The following FUT9 variants were observed in gnomAD, a reference collection of about 807,000 sequenced individuals.
FUT9 encodes the protein fucosyltransferase 9.
FUT9 carries 15 observed loss-of-function variants against 29.7 expected under a neutral mutation model. The ratio of observed to expected loss-of-function variants is 0.51; its 90% CI spans 0.34 to 0.78. FUT9 has a LOEUF of 0.78. Among genes scored for constraint, FUT9 ranks in the 30% least tolerant of loss-of-function variants. The probability of loss-of-function intolerance (pLI) is 0.01; values close to 1 mark genes in which losing one functional copy is unlikely to be tolerated. For synonymous variants in FUT9, 169 were observed against 153.7 expected (o/e 1.10, Z -0.74); for missense variants, 319 against 425.4 (o/e 0.75, Z 2.20).
intron 1 of FUT9, among the ~76,000 whole-genome samples, chr6:96,018,151 AT>A (rs1770012415): frequency 6.6e-6 from 1 of 151,552 alleles, no homozygotes; most frequent in African/African-American, 2.4e-5. Context: ...AGTTGGTTAT[AT>A]TTAGGGCTTG....
intron 2 of FUT9, among the ~76,000 whole-genome samples, chr6:96,176,810 G>T (rs1582287025): frequency 6.6e-6 from 1 of 152,256 alleles, no homozygotes; most frequent in East Asian, 1.9e-4. Context: ...ACTATGTGGA[G>T]CTGCCTGGCT....
At chr6:96,112,586 C>A (rs892743406) in intron 1 of FUT9, among the ~76,000 whole-genome samples, 3 of 152,154 alleles carry the variant, frequency 2.0e-5, no homozygotes, top group Middle Eastern at 3.4e-3. Flanking sequence ...GTTTTAAAAT[C>A]TACTGCTTTA....
intron 1 of FUT9, among the ~76,000 whole-genome samples, chr6:96,081,719 C>T (rs1771241373): frequency 6.6e-6 from 1 of 151,764 alleles, no homozygotes; most frequent in Admixed American, 6.6e-5. Flanking sequence ...TTGAGATTTC[C>T]ACATGTTCAA....
intron 2 of FUT9, among the ~76,000 whole-genome samples, chr6:96,158,362 C>T (rs988324722): frequency 2.6e-5 from 4 of 151,972 alleles, no homozygotes; most frequent in Non-Finnish European, 5.9e-5. Flanking sequence ...GTTAAATTTT[C>T]TATAATATAT....
chr6:96,017,189 C>T (rs1769995765), intron 1 of FUT9, among the ~76,000 whole-genome samples: 1 of 152,150 alleles, frequency 6.6e-6, no homozygotes, highest in East Asian at 1.9e-4. Flanking sequence ...TTAAAATCTT[C>T]TTTGAAATTG....
chr6:96,117,635 G>A (rs1771936102), intron 2 of FUT9, among the ~76,000 whole-genome samples: 1 of 152,208 alleles, frequency 6.6e-6, no homozygotes, highest in Non-Finnish European at 1.5e-5. Flanking sequence ...GAGAATTTAA[G>A]TGACTTGCCT....
chr6:96,020,363 G>A (rs992184835), intron 1 of FUT9, among the ~76,000 whole-genome samples: 5 of 152,038 alleles, frequency 3.3e-5, no homozygotes, highest in African/African-American at 1.2e-4. Context: ...TCTCCATGCT[G>A]ATTCAATATT....
chr6:96,133,766 G>A (rs1046445678), intron 2 of FUT9, among the ~76,000 whole-genome samples: 10 of 151,976 alleles, frequency 6.6e-5, no homozygotes, highest in Non-Finnish European at 1.3e-4. Flanking sequence ...TTGCATGTTT[G>A]TATAGTATAC....
chr6:96,087,297 A>T (rs1353875465), intron 1 of FUT9, among the ~76,000 whole-genome samples: 1 of 151,806 alleles, frequency 6.6e-6, no homozygotes, highest in African/African-American at 2.4e-5. Context: ...TCTACCTCCA[A>T]GTAACATAGC....
At chr6:96,087,339 G>A (rs1771333417) in intron 1 of FUT9, among the ~76,000 whole-genome samples, 1 of 149,632 alleles carries the variant, frequency 6.7e-6, no homozygotes, top group Non-Finnish European at 1.5e-5. Context: ...CACTGCAACA[G>A]TAGGTTTATA....
In FUT9 at chr6:96,206,992, T is replaced by C. The variant is rs1236545700; in HGVS notation, c.*2757T>C. On this transcript the variant is annotated 3_prime_UTR_variant, in exon 3 of 3. Transcript: ENST00000302103. Reference sequence around the variant, plus strand: ...TACTACTAAGTATCTAGCAGGTGCTTTGAAACCCCATTACTAAGTCCCAGA... The same window carrying C: ...TACTACTAAGTATCTAGCAGGTGCTCTGAAACCCCATTACTAAGTCCCAGA... 1 of 166,984 alleles carries C rather than the reference T, an allele frequency of 6.0e-6. No individual in the cohort carries two copies. The highest frequency in any genetic ancestry group is 2.4e-5 in the African/African-American group (1 of 41,420). The allele number at this position is 166,984 out of a possible 1,614,324, so 10.3% of individuals were successfully genotyped here.
At position 96,096,346 on chromosome 6, in the gene FUT9, AATTGTACTAGTTT is replaced by A. The variant is rs1288998376; in HGVS notation, c.-97-17691_-97-17679del. 3.9e-5 allele frequency among the ~76,000 whole-genome samples: 6 copies of A among 152,140 alleles called. No individual in the cohort carries two copies. The South Asian group carries it at 1.0e-3, about 26-fold the overall frequency. ...ACCCCCCAGGATCCCTCATCTCAAT[AATTGTACTAGTTT>A]ACTGCCTTTCTGTGGACTATATTCA... On this transcript the variant is annotated intron_variant, in intron 1 of 2. Transcript: ENST00000302103.
At chr6:96,122,029 G>A (rs7772067) in intron 2 of FUT9, among the ~76,000 whole-genome samples, 104,614 of 151,578 alleles carry the variant, frequency 0.69, 37,304 homozygotes, top group East Asian at 0.84. Context: ...GATGCGCTGG[G>A]TAGCCAAGAG....
chr6:96,103,384 C>A lies in FUT9; in HGVS notation c.-97-10655C>A, dbSNP rs1771621547. On this transcript the variant is annotated intron_variant, in intron 1 of 2. Coordinates refer to ENST00000302103, the MANE Select transcript of FUT9 (RefSeq NM_006581.4). ...ATCCCACCGTTACCTCAACTACTCT[C>A]CTTACCCAAATTAAAGTTAAATCTA... is the stretch of plus-strand genomic sequence containing the variant. Among the ~76,000 whole-genome samples the A allele has an allele frequency of 2.0e-5, 3 of 152,124 alleles. No homozygotes were observed. The South Asian group carries it at 6.2e-4, about 32-fold the overall frequency.
chr6:96,203,304 T>G lies in FUT9; in HGVS notation c.149T>G (p.Met50Arg). ...GAATCAGCCAGCTCTGTGCTGAAAA[T>G]GAAAAACTTCTTTTCCACCAAAACT... ...PMESASSVLKMKNFFSTKTDY... is the reference protein window; with the variant it reads ...PMESASSVLKRKNFFSTKTDY... The change falls in exon 3 of 3, where the codon ATG becomes AGG. Residue 50 changes from methionine to arginine, a missense_variant. Coordinates refer to ENST00000302103, the MANE Select transcript of FUT9 (RefSeq NM_006581.4). The G allele has an allele frequency of 6.2e-7, 1 of 1,613,922 alleles. No homozygotes were observed. The highest frequency in any genetic ancestry group is 1.7e-5 in the Admixed American group (1 of 59,944).
At chr6:96,106,407 G>A (rs553783426) in intron 1 of FUT9, among the ~76,000 whole-genome samples, 8 of 151,880 alleles carry the variant, frequency 5.3e-5, no homozygotes, top group Admixed American at 2.0e-4. Context: ...TTTTTTTCTT[G>A]TTATTGCCAT....
intron 1 of FUT9, among the ~76,000 whole-genome samples, chr6:96,110,877 G>C (rs545633949): frequency 4.0e-4 from 55 of 138,672 alleles, no homozygotes; most frequent in Non-Finnish European, 7.5e-4. Context: ...TAGCCAAACT[G>C]GTCTTGAACT....
intron 2 of FUT9, among the ~76,000 whole-genome samples, chr6:96,152,808 A>C (rs1295261482): frequency 6.6e-6 from 1 of 152,240 alleles, no homozygotes; most frequent in Non-Finnish European, 1.5e-5. Flanking sequence ...AGTTGTAAAT[A>C]GATAATTATT....
chr6:96,111,359 A>T (rs1314855142), intron 1 of FUT9, among the ~76,000 whole-genome samples: 1 of 152,192 alleles, frequency 6.6e-6, no homozygotes, highest in Non-Finnish European at 1.5e-5. Context: ...GCTTGGACAC[A>T]AATATAGGGA....
Sources: allele counts gnomAD v4.1 joint callset (sites outside exome capture counted in the v4.1 genomes callset), GRCh38; gene constraint gnomAD v4.1.1; transcripts MANE v1.5; gene names NCBI Gene and HGNC (gene_info 2026-07-23, HGNC 2026-07-21).